GABRA3: variants seen among roughly 807,000 people sequenced by gnomAD.
The protein encoded by GABRA3 is gamma-aminobutyric acid receptor subunit alpha-3.
Under a neutral mutation model 30.1 loss-of-function variants are expected in GABRA3, and 10 were observed. The observed-to-expected ratio is 0.33, with a 90% confidence interval of 0.20 to 0.56. GABRA3 has a LOEUF of 0.56. Among genes scored for constraint, GABRA3 ranks in the 20% least tolerant of loss-of-function variants. GABRA3 has a pLI of 0.89. For missense variants in GABRA3, 233 were observed against 392.0 expected (o/e 0.59, Z 3.42); for synonymous variants, 151 against 146.8 (o/e 1.03, Z -0.21).
chrX:152,221,569 AT>A (rs1400604556), intron 6 of GABRA3, among the ~76,000 whole-genome samples: 1 of 111,262 alleles, frequency 9.0e-6, no homozygotes, highest in Non-Finnish European at 1.9e-5. Context: ...TTTTCATTCT[AT>A]TTATGCTGCT....
intron 4 of GABRA3, among the ~76,000 whole-genome samples, chrX:152,259,624 C>T (rs1203271622): frequency 9.0e-6 from 1 of 111,100 alleles, no homozygotes; most frequent in Non-Finnish European, 1.9e-5. Context: ...TTTCTAGAAA[C>T]ACAGCGGGTC....
rs200711028 is a variant in GABRA3 at position 152,189,865 on chromosome X, C to T, written c.1008G>A (p.Thr336=). The change falls in exon 9 of 10, where the codon ACG becomes ACA. Residue 336 remains threonine (T), a synonymous_variant. Coordinates refer to ENST00000370314, the MANE Select transcript of GABRA3 (RefSeq NM_000808.4). The part of the protein sequence containing the change: ...RNSLPKVAYA[T]AMDWFIAVCY... Reference sequence around the variant, plus strand: ...AGACGGCTATGAACCAGTCCATGGCCGTCGCATATGCCACTTTAGGTAAGG... The same window carrying T: ...AGACGGCTATGAACCAGTCCATGGCTGTCGCATATGCCACTTTAGGTAAGG... The T allele has an allele frequency of 3.3e-5, 40 of 1,207,093 alleles. No individual in the cohort carries two copies. Among genetic ancestry groups the T allele is most frequent in the Non-Finnish European group, 3.9e-5 (35 of 893,775 alleles).
At chrX:152,343,457 A>C (rs1195461303) in intron 3 of GABRA3, among the ~76,000 whole-genome samples, 2 of 109,661 alleles carry the variant, frequency 1.8e-5, no homozygotes, top group African/African-American at 6.6e-5. Flanking sequence ...CAAAAAAAAA[A>C]AAAACAAAAC....
chrX:152,300,947 A>C (rs1939620179), intron 3 of GABRA3, among the ~76,000 whole-genome samples: 1 of 112,054 alleles, frequency 8.9e-6, no homozygotes, highest in African/African-American at 3.2e-5. Context: ...TTCGTGCAGA[A>C]AAAAATTTTT....
chrX:152,425,874 C>T (rs1930503020), intron 1 of GABRA3, among the ~76,000 whole-genome samples: 2 of 110,436 alleles, frequency 1.8e-5, no homozygotes, highest in South Asian at 3.9e-4. Context: ...AACTCTTCCT[C>T]ATCTCAATTT....
Position 152,279,298 on chromosome X carries a change from G to A in GABRA3, c.330+5370C>T, listed in dbSNP as rs778120395. Among the ~76,000 whole-genome samples, 8 of 112,024 alleles carry A rather than the reference G, an allele frequency of 7.1e-5. No individual in the cohort carries two copies. The South Asian group carries it at 2.6e-3, about 37-fold the overall frequency. ...GAATTGATTTTTGTCTAAGGTGTAA[G>A]GAAGGGATCCAGTTTCAGCTTTCTC... On this transcript the variant is annotated intron_variant, in intron 4 of 9. Transcript: ENST00000370314.
intron 4 of GABRA3, among the ~76,000 whole-genome samples, chrX:152,266,896 A>C (rs898124535): frequency 2.7e-5 from 3 of 112,052 alleles, no homozygotes; most frequent in Non-Finnish European, 5.6e-5. Flanking sequence ...CAGATGCTCT[A>C]TAAGAATTTT....
At chrX:152,293,833 A>G (rs754328556) in intron 3 of GABRA3, among the ~76,000 whole-genome samples, 30 of 111,406 alleles carry the variant, frequency 2.7e-4, no homozygotes, top group African/African-American at 9.1e-4. Context: ...GGTGAAAAAA[A>G]TCTCTCAGCA....
chrX:152,203,722 C>T (rs1937510196), intron 7 of GABRA3, among the ~76,000 whole-genome samples: 1 of 111,653 alleles, frequency 9.0e-6, no homozygotes, highest in Non-Finnish European at 1.9e-5. Context: ...CCCCATTTGT[C>T]ATCTTTCAAG....
chrX:152,368,463 C>G (rs1928718269), intron 1 of GABRA3, among the ~76,000 whole-genome samples: 1 of 111,057 alleles, frequency 9.0e-6, no homozygotes, highest in African/African-American at 3.3e-5. Context: ...TCACAAATGA[C>G]AAGATTTCAC....
chrX:152,371,853 C>A (rs1045304226), intron 1 of GABRA3, among the ~76,000 whole-genome samples: 4 of 111,514 alleles, frequency 3.6e-5, no homozygotes, highest in African/African-American at 9.8e-5. Flanking sequence ...AACAAAACAG[C>A]CAAAAAGTGA....
intron 1 of GABRA3, among the ~76,000 whole-genome samples, chrX:152,444,922 G>A (rs1349466503): frequency 4.3e-5 from 4 of 93,634 alleles, no homozygotes; most frequent in African/African-American, 1.1e-4. Flanking sequence ...TTAGCCGGGC[G>A]TGGTGGCGGG....
chrX:152,190,278 C>T (rs983719981), intron 8 of GABRA3, among the ~76,000 whole-genome samples: 10 of 109,816 alleles, frequency 9.1e-5, no homozygotes, highest in Admixed American at 1.9e-4. Context: ...AACTAGCTCA[C>T]GAACTGAAAT....
chrX:152,408,107 C>T (rs1026941088), intron 1 of GABRA3, among the ~76,000 whole-genome samples: 6 of 111,277 alleles, frequency 5.4e-5, no homozygotes, highest in Non-Finnish European at 7.5e-5. Flanking sequence ...GACAAACCCA[C>T]ACTAGTATCA....
chrX:152,264,844 C>T (rs1285446143), intron 4 of GABRA3, among the ~76,000 whole-genome samples: 1 of 110,678 alleles, frequency 9.0e-6, no homozygotes, highest in Non-Finnish European at 1.9e-5. Flanking sequence ...GCAGGAGTAG[C>T]TACACTTATA....
intron 1 of GABRA3, among the ~76,000 whole-genome samples, chrX:152,421,747 T>C (rs898318623): frequency 3.3e-4 from 37 of 111,673 alleles, no homozygotes; most frequent in African/African-American, 1.2e-3. Context: ...AATAAACTTT[T>C]CAAAAAATGT....
Position 152,167,117 on chromosome X carries a change from C to T in GABRA3, c.*1111G>A, listed in dbSNP as rs1336053831. 9.0e-6 allele frequency: 1 copy of T among 111,189 alleles called. No homozygotes were observed. The highest frequency in any genetic ancestry group is 3.3e-5 in the African/African-American group (1 of 30,506). The allele number at this position is 111,189 out of a possible 1,213,427, so 9.2% of individuals were successfully genotyped here. A position where few individuals can be genotyped will look rare whatever the true frequency, so the allele number is the denominator to read the frequency against. On this transcript the variant is annotated 3_prime_UTR_variant, in exon 10 of 10. Transcript: ENST00000370314. The stretch of plus-strand genomic sequence containing the variant: ...ATTTCCAATTCACCCCTCATAGAAT[C>T]GGCATCAACAGAGGACCGGAGGTTC...
chrX:152,290,563 G>A, intron 3 of GABRA3, among the ~76,000 whole-genome samples: 1 of 111,898 alleles, frequency 8.9e-6, no homozygotes, highest in South Asian at 3.7e-4. Flanking sequence ...ATTGCTTTTG[G>A]TGTTTTAGTC....
chrX:152,218,459 G>C (rs1403483190), intron 6 of GABRA3, among the ~76,000 whole-genome samples: 1 of 110,967 alleles, frequency 9.0e-6, no homozygotes, highest in Non-Finnish European at 1.9e-5. Context: ...ACGCTCTATA[G>C]ATGTTGGTTA....
Sources: allele counts gnomAD v4.1 joint callset (sites outside exome capture counted in the v4.1 genomes callset), GRCh38; gene constraint gnomAD v4.1.1; transcripts MANE v1.5; gene names NCBI Gene and HGNC (gene_info 2026-07-23, HGNC 2026-07-21).